DYNC2H1: variants seen among roughly 807,000 people sequenced by gnomAD.
DYNC2H1 encodes cytoplasmic dynein 2 heavy chain 1.
DYNC2H1 carries 410 observed loss-of-function variants against 570.0 expected under a neutral mutation model. The ratio of observed to expected loss-of-function variants is 0.72; its 90% CI spans 0.66 to 0.78. The LOEUF is 0.78. DYNC2H1 is among the 30% of genes least tolerant of loss of function. The pLI, the probability that DYNC2H1 is intolerant of heterozygous loss-of-function variation, is 0.00. For synonymous variants in DYNC2H1, 1,688 were observed against 1,677.6 expected, an observed-to-expected ratio of 1.01 and a Z score of -0.15; for missense variants, 4,865 against 5,046.4, an observed-to-expected ratio of 0.96 and a Z score of 1.09.
chr11:103,396,284 A>G (rs1942392121), intron 83 of DYNC2H1, among the ~76,000 whole-genome samples: 1 of 152,200 alleles, frequency 6.6e-6, no homozygotes, highest in Admixed American at 6.5e-5. Context: ...GCAAACTGCA[A>G]CTCAGGAATA....
chr11:103,147,931 T>A, intron 19 of DYNC2H1, 44 bp downstream of exon 19: 1 of 1,293,096 alleles, frequency 7.7e-7, no homozygotes, highest in Non-Finnish European at 1.1e-6. Flanking sequence ...ATTTGATATG[T>A]AGAAGCATGT....
At chr11:103,117,959 T>C (rs1192324572) in intron 6 of DYNC2H1, 96 bp downstream of exon 6, 2 of 999,728 alleles carry the variant, frequency 2.0e-6, no homozygotes, top group Non-Finnish European at 2.7e-6. Flanking sequence ...ACTATACATC[T>C]GCTGGAAATT....
intron 70 of DYNC2H1, among the ~76,000 whole-genome samples, chr11:103,274,314 C>T (rs1648182878): frequency 6.6e-6 from 1 of 152,040 alleles, no homozygotes; most frequent in African/African-American, 2.4e-5. Flanking sequence ...AAGCTATGAT[C>T]ACACTACTGC....
At chr11:103,374,569 GA>G (rs1941314450) in intron 83 of DYNC2H1, among the ~76,000 whole-genome samples, 1 of 152,118 alleles carries the variant, frequency 6.6e-6, no homozygotes. Flanking sequence ...CAGACTTGTT[GA>G]ACGGCTTTGA....
At position 103,209,023 on chromosome 11, in the gene DYNC2H1, C is replaced by G. The variant is rs11821201; in HGVS notation, c.8455-853C>G. 9.9e-5 allele frequency among the ~76,000 whole-genome samples: 15 copies of G among 152,134 alleles called. No homozygotes were observed. Among genetic ancestry groups the G allele is most frequent in the African/African-American group, 3.6e-4 (15 of 41,530 alleles). On this transcript the variant is annotated intron_variant, in intron 52 of 88. Coordinates refer to ENST00000375735, the MANE Select transcript of DYNC2H1 (RefSeq NM_001377.3). This position sits in a 1 kb window ranked among gnomAD's most constrained non-coding sequence, Gnocchi z 4.2. ...TCTCGTATAGGTTTAAGTGTTTTGT[C>G]AGAAATCAGTGAAGGCATACTCTCT...
intron 17 of DYNC2H1, among the ~76,000 whole-genome samples, chr11:103,139,202 T>C (rs907021874): frequency 1.3e-5 from 2 of 152,176 alleles, no homozygotes; most frequent in African/African-American, 2.4e-5. Flanking sequence ...GTTTTTTGTG[T>C]CTCTATTTCC....
At chr11:103,267,918 T>A (rs1865571042) in intron 70 of DYNC2H1, among the ~76,000 whole-genome samples, 1 of 152,036 alleles carries the variant, frequency 6.6e-6, no homozygotes, top group Non-Finnish European at 1.5e-5. Context: ...TATAAACATG[T>A]TAACTTCATT....
chr11:103,211,661 C>T (rs1415649418), intron 53 of DYNC2H1, 128 bp from the exon 54 acceptor site: 2 of 405,060 alleles, frequency 4.9e-6, no homozygotes, highest in Non-Finnish European at 8.6e-6. Flanking sequence ...AGCAAAGATG[C>T]TATCTCATAT....
chr11:103,310,577 A>G (rs752380671), intron 78 of DYNC2H1, among the ~76,000 whole-genome samples: 1 of 150,842 alleles, frequency 6.6e-6, no homozygotes, highest in Non-Finnish European at 1.5e-5. Context: ...ATTTGGCCTT[A>G]TCTATGGTGG....
Position 103,479,409 on chromosome 11 carries a change from A to T in DYNC2H1, c.*156A>T. The T allele has an allele frequency of 1.4e-6, 1 of 690,524 alleles. No individual in the cohort carries two copies. Among genetic ancestry groups the T allele is most frequent in the Non-Finnish European group, 2.1e-6 (1 of 466,866 alleles). The allele number at this position is 690,524 out of a possible 1,614,324, so 42.8% of individuals were successfully genotyped here. Reference sequence around the variant, plus strand: ...CACTGAAATTTTAATGTGTAAAAGCAGCACTGTGCATCTTTTAAAGTAATA... The same window carrying T: ...CACTGAAATTTTAATGTGTAAAAGCTGCACTGTGCATCTTTTAAAGTAATA... On this transcript the variant is annotated 3_prime_UTR_variant, in exon 89 of 89. Transcript: ENST00000375735.
At chr11:103,408,492 A>G (rs1389217754) in intron 84 of DYNC2H1, 1 of 152,004 alleles carries the variant, frequency 6.6e-6, no homozygotes, top group African/African-American at 2.4e-5. Flanking sequence ...TGATTGAGAT[A>G]GTATCATCTA....
chr11:103,342,342 A>G (rs995705879), intron 82 of DYNC2H1, among the ~76,000 whole-genome samples: 3 of 152,086 alleles, frequency 2.0e-5, no homozygotes, highest in African/African-American at 7.2e-5. Context: ...ACTCTGTAAA[A>G]TGGACCAATC....
Position 103,231,306 on chromosome 11 carries a change from C to T in DYNC2H1, c.9400C>T (p.Leu3134Phe). 1 of 1,607,076 alleles carries T rather than the reference C, an allele frequency of 6.2e-7. No individual in the cohort carries two copies. Among genetic ancestry groups the T allele is most frequent in the Non-Finnish European group, 8.5e-7 (1 of 1,176,934 alleles). The change falls in exon 60 of 89, where the codon CTT becomes TTT. Residue 3134 changes from leucine (L) to phenylalanine (F), a missense_variant. Transcript: ENST00000375735. ...EDRKRKLEEL[L>F]NSVGQKVSEL... ...CAGAAAAAGGAAACTAGAGGAGCTT[C>T]TTAATTCTGTTGGTCAAAAGGTATC...
intron 82 of DYNC2H1, among the ~76,000 whole-genome samples, chr11:103,346,518 A>T (rs1244647238): frequency 6.6e-6 from 1 of 152,190 alleles, no homozygotes; most frequent in East Asian, 1.9e-4. Flanking sequence ...ACCGTTAGAC[A>T]AAAGCAAGTT....
At chr11:103,149,678 A>G (rs1054707910) in intron 20 of DYNC2H1, among the ~76,000 whole-genome samples, 2 of 152,224 alleles carry the variant, frequency 1.3e-5, no homozygotes, top group African/African-American at 4.8e-5. Flanking sequence ...ACTGATATGT[A>G]TGGATCACTT....
At chr11:103,341,844 A>T (rs565961071) in intron 82 of DYNC2H1, among the ~76,000 whole-genome samples, 1 of 152,316 alleles carries the variant, frequency 6.6e-6, no homozygotes, top group South Asian at 2.1e-4. Flanking sequence ...GCACTTGTAA[A>T]CAATAAGCTC....
rs559571444 is a variant in DYNC2H1 at position 103,461,233 on chromosome 11, G to A, written c.12648+4877G>A. Among the ~76,000 whole-genome samples, 6 of 152,148 alleles carry A rather than the reference G, an allele frequency of 3.9e-5. No homozygotes were observed. Among genetic ancestry groups the A allele is most frequent in the African/African-American group, 1.4e-4 (6 of 41,504 alleles). On this transcript the variant is annotated intron_variant, in intron 87 of 88. Transcript: ENST00000375735. The surrounding 1 kb of genome is among the most constrained non-coding windows in gnomAD (Gnocchi z 4.8). ...CTTTTAATTATGTTTTTCAGCAGAGGGGATTGTTTCAATAGGAGAAATTTG... is the reference window on the plus strand; with the variant it reads ...CTTTTAATTATGTTTTTCAGCAGAGAGGATTGTTTCAATAGGAGAAATTTG...
intron 82 of DYNC2H1, among the ~76,000 whole-genome samples, chr11:103,329,096 G>A (rs1339484868): frequency 2.6e-5 from 4 of 151,470 alleles, no homozygotes; most frequent in African/African-American, 9.8e-5. Context: ...GTACATCTGT[G>A]ACAGAGGAAG....
At chr11:103,370,420 A>G (rs1941098718) in intron 83 of DYNC2H1, among the ~76,000 whole-genome samples, 1 of 152,220 alleles carries the variant, frequency 6.6e-6, no homozygotes, top group Non-Finnish European at 1.5e-5. Context: ...GGAAGGACAC[A>G]GGCCTGGCTG....
Sources: allele counts gnomAD v4.1 joint callset (sites outside exome capture counted in the v4.1 genomes callset), GRCh38; gene constraint gnomAD v4.1.1; non-coding constraint Gnocchi (gnomAD v3.1); transcripts MANE v1.5; gene names NCBI Gene and HGNC (gene_info 2026-07-23, HGNC 2026-07-21).